The following VAV3 variants were observed in gnomAD, a reference collection of about 807,000 sequenced individuals.
VAV3 encodes vav guanine nucleotide exchange factor 3.
A neutral mutation model predicts 131.2 loss-of-function variants in VAV3; 94 were observed. The observed-to-expected ratio is 0.72, with a 90% CI of 0.61 to 0.85. VAV3 has a LOEUF of 0.85. Ranked by LOEUF, VAV3 falls within the 40% of genes least tolerant of loss-of-function variation. The probability of loss-of-function intolerance (pLI) is 0.00; values close to 1 mark genes in which losing one functional copy is unlikely to be tolerated. For missense variants in VAV3, 939 were observed against 1,002.7 expected (o/e 0.94, Z 0.86); for synonymous variants, 349 against 342.0 (o/e 1.02, Z -0.22).
intron 2 of VAV3, among the ~76,000 whole-genome samples, chr1:107,845,883 A>G (rs1454608295): frequency 6.6e-6 from 1 of 152,208 alleles, no homozygotes; most frequent in Non-Finnish European, 1.5e-5. Flanking sequence ...ACTTCAGGAT[A>G]TTATCCAGGA....
intron 2 of VAV3, among the ~76,000 whole-genome samples, chr1:107,813,813 T>G (rs1667433810): frequency 6.6e-6 from 1 of 152,114 alleles, no homozygotes; most frequent in Non-Finnish European, 1.5e-5. Flanking sequence ...CTACCTCCAT[T>G]AGATCAACTT....
chr1:107,617,491 T>C, intron 21 of VAV3, 76 bp downstream of exon 21: 1 of 1,312,948 alleles, frequency 7.6e-7, no homozygotes, highest in Non-Finnish European at 1.1e-6. Context: ...CCAGTATCCT[T>C]TGTAGATTTT....
intron 20 of VAV3, among the ~76,000 whole-genome samples, chr1:107,629,650 T>C (rs1240799057): frequency 3.9e-5 from 6 of 152,128 alleles, no homozygotes; most frequent in Non-Finnish European, 7.4e-5. Context: ...GAAAAGAAAA[T>C]GCTGCCAAAA....
intron 2 of VAV3, among the ~76,000 whole-genome samples, chr1:107,835,865 A>AC (rs1022502741): frequency 1.3e-5 from 2 of 152,178 alleles, no homozygotes; most frequent in African/African-American, 4.8e-5. Flanking sequence ...AGCACAGAGG[A>AC]CCAGCAGACC....
At chr1:107,761,156 G>A (rs1311871682) in intron 9 of VAV3, among the ~76,000 whole-genome samples, 7 of 152,116 alleles carry the variant, frequency 4.6e-5, no homozygotes, top group African/African-American at 7.2e-5. Flanking sequence ...TTGGGAGGCC[G>A]AGGCGGGCAG....
At chr1:107,861,334 T>C (rs759436565) in intron 2 of VAV3, among the ~76,000 whole-genome samples, 4 of 151,652 alleles carry the variant, frequency 2.6e-5, no homozygotes, top group Non-Finnish European at 4.4e-5. Context: ...TTCATCATTA[T>C]ACTTCATAGT....
chr1:107,624,217 G>A (rs867312084), intron 20 of VAV3, among the ~76,000 whole-genome samples: 49 of 152,230 alleles, frequency 3.2e-4, no homozygotes, highest in Middle Eastern at 3.4e-3. Flanking sequence ...AGACTTCACC[G>A]AGTCTTTCTC....
chr1:107,653,236 A>AT (rs965068556), intron 19 of VAV3, among the ~76,000 whole-genome samples: 38 of 148,010 alleles, frequency 2.6e-4, no homozygotes, highest in Admixed American at 5.4e-4. Context: ...CGATGTGCTG[A>AT]TTTTTTTTTT....
intron 2 of VAV3, among the ~76,000 whole-genome samples, chr1:107,869,508 A>T (rs1670157894): frequency 6.6e-6 from 1 of 152,148 alleles, no homozygotes; most frequent in South Asian, 2.1e-4. Context: ...ATTTCATTTA[A>T]TACTCACCTA....
chr1:107,870,175 T>C (rs1362909588), intron 2 of VAV3, among the ~76,000 whole-genome samples: 2 of 152,182 alleles, frequency 1.3e-5, no homozygotes, highest in African/African-American at 2.4e-5. Flanking sequence ...CTGGATCAAA[T>C]GGTAGTTCTA....
intron 15 of VAV3, among the ~76,000 whole-genome samples, chr1:107,709,826 C>T (rs1233083237): frequency 1.3e-5 from 2 of 152,160 alleles, no homozygotes; most frequent in Non-Finnish European, 2.9e-5. Context: ...CTATAAGTTT[C>T]CTGAGGCCTC....
At chr1:107,704,749 T>C in intron 16 of VAV3, 99 bp from the exon 17 acceptor site, 1 of 1,075,874 alleles carries the variant, frequency 9.3e-7, no homozygotes, top group East Asian at 2.5e-5. Flanking sequence ...ACAGTGCTCT[T>C]CAAGGTACCC....
intron 20 of VAV3, 55 bp from the exon 21 acceptor site, chr1:107,617,687 C>G: frequency 6.9e-7 from 1 of 1,450,944 alleles, no homozygotes; most frequent in Non-Finnish European, 9.7e-7. Flanking sequence ...CAAATGATAA[C>G]CCCATGATGC....
At chr1:107,586,473 AG>A (rs1650506169) in intron 25 of VAV3, among the ~76,000 whole-genome samples, 1 of 152,170 alleles carries the variant, frequency 6.6e-6, no homozygotes, top group South Asian at 2.1e-4. Flanking sequence ...GTACCCTTTG[AG>A]GAGGAAGGAG....
At chr1:107,962,909 C>T (rs1166854927) in intron 1 of VAV3, among the ~76,000 whole-genome samples, 1 of 152,108 alleles carries the variant, frequency 6.6e-6, no homozygotes, top group African/African-American at 2.4e-5. Flanking sequence ...TCCTGGTGTG[C>T]TCATTTTGCT....
intron 4 of VAV3, among the ~76,000 whole-genome samples, chr1:107,774,685 G>A (rs907455165): frequency 2.6e-5 from 4 of 152,116 alleles, no homozygotes; most frequent in African/African-American, 9.7e-5. Context: ...GCCATTACCT[G>A]CCCTCTCCAC....
chr1:107,964,000 G>A (rs926548986), intron 1 of VAV3, among the ~76,000 whole-genome samples: 2 of 152,192 alleles, frequency 1.3e-5, no homozygotes, highest in East Asian at 1.9e-4. Context: ...GGAATCTCTA[G>A]TGAAACTTCT....
intron 19 of VAV3, among the ~76,000 whole-genome samples, chr1:107,656,921 C>T (rs1656606052): frequency 6.8e-6 from 1 of 146,824 alleles, no homozygotes; most frequent in South Asian, 2.2e-4. Context: ...TTACACATTT[C>T]CCATTTTCAG....
intron 1 of VAV3, among the ~76,000 whole-genome samples, chr1:107,951,006 T>G (rs921016022): frequency 6.6e-6 from 1 of 152,202 alleles, no homozygotes; most frequent in African/African-American, 2.4e-5. Context: ...CATCATCTCA[T>G]GCTCCAGCCT....
Sources: gnomAD v4.1 joint callset for allele counts (sites outside exome capture counted in the v4.1 genomes callset) on GRCh38, gnomAD v4.1.1 for gene constraint, MANE v1.5 for transcripts, NCBI Gene and HGNC (gene_info 2026-07-23, HGNC 2026-07-21) for gene names.